CBL: variants seen among roughly 807,000 people sequenced by gnomAD.
CBL encodes the protein Cbl proto-oncogene, also known as E3 ubiquitin-protein ligase CBL.
In CBL, 45 loss-of-function variants were observed where a neutral mutation model predicts 96.9. The ratio of observed to expected loss-of-function variants is 0.46; its 90% CI spans 0.37 to 0.60. The LOEUF (loss-of-function observed/expected upper bound fraction) is 0.60, where lower values mean the gene tolerates loss of function less well. Among genes scored for constraint, CBL ranks in the 20% least tolerant of loss-of-function variants. The pLI, the probability that CBL is intolerant of heterozygous loss-of-function variation, is 0.00. For missense variants in CBL, 1,024 were observed against 1,143.5 expected (o/e 0.90, Z 1.51); for synonymous variants, 420 against 426.8 (o/e 0.98, Z 0.20).
intron 1 of CBL, among the ~76,000 whole-genome samples, chr11:119,219,916 C>T (rs1450100068): frequency 6.8e-6 from 1 of 146,726 alleles, no homozygotes; most frequent in Non-Finnish European, 1.5e-5. Flanking sequence ...GTGGCGTGAT[C>T]TCGGCTCACT....
chr11:119,232,854 GA>G (rs1176350984), intron 2 of CBL, among the ~76,000 whole-genome samples, 159 bp downstream of exon 2: 1 of 152,216 alleles, frequency 6.6e-6, no homozygotes, highest in Non-Finnish European at 1.5e-5. Context: ...TGCCATGGAT[GA>G]CGTTGTACTA....
In CBL at chr11:119,214,006, G is replaced by A. The variant is rs368928228; in HGVS notation, c.195+7394G>A. Among the ~76,000 whole-genome samples, 10 of 152,202 alleles carry A rather than the reference G, an allele frequency of 6.6e-5. 1 individual carries two copies. Among genetic ancestry groups the A allele is most frequent in the African/African-American group, 2.4e-4 (10 of 41,520 alleles). On this transcript the variant is annotated intron_variant, in intron 1 of 15. Coordinates refer to ENST00000264033, the MANE Select transcript of CBL (RefSeq NM_005188.4). ...TTGCCCCAGGCTGGAGTGCAGTTGC[G>A]TAGTCTTGGCTCACTGCAACCTCCA...
At chr11:119,216,168 GT>G (rs1949358515) in intron 1 of CBL, among the ~76,000 whole-genome samples, 1 of 152,152 alleles carries the variant, frequency 6.6e-6, no homozygotes, top group Non-Finnish European at 1.5e-5. Context: ...TGAGTCGTGT[GT>G]AACAGCCTCC....
At chr11:119,275,876 A>C (rs1465406290) in intron 5 of CBL, 121 bp from the exon 6 acceptor site, 2 of 1,032,474 alleles carry the variant, frequency 1.9e-6, no homozygotes, top group African/African-American at 3.1e-5. Context: ...AAAGAAAGAA[A>C]GAAAGGAAGA....
intron 9 of CBL, among the ~76,000 whole-genome samples, chr11:119,281,494 CTTTT>C (rs34775460): frequency 3.2e-5 from 4 of 125,810 alleles, no homozygotes; most frequent in East Asian, 2.2e-4. Context: ...CACCAAAAGC[CTTTT>C]TTTTTTTTTT....
chr11:119,222,411 G>T lies in CBL; in HGVS notation c.196-10037G>T, dbSNP rs185922739. Among the ~76,000 whole-genome samples the T allele has an allele frequency of 1.7e-3, 266 of 152,312 alleles. 2 individuals carry two copies. Among genetic ancestry groups the T allele is most frequent in the Admixed American group, 2.9e-3 (44 of 15,284 alleles). On this transcript the variant is annotated intron_variant, in intron 1 of 15. Coordinates refer to ENST00000264033, the MANE Select transcript of CBL (RefSeq NM_005188.4). ...ACCATTGAGTCTTGGCAGAAGCAAA[G>T]GGAGGAGCTAGGCCAGTGAGAAAGC...
At chr11:119,274,749 T>G (rs913334161) in intron 4 of CBL, 83 bp from the exon 5 acceptor site, 2 of 1,251,502 alleles carry the variant, frequency 1.6e-6, no homozygotes, top group Admixed American at 1.8e-5. Flanking sequence ...TGAGAGTTGG[T>G]GTTGTTTTTT....
intron 12 of CBL, among the ~76,000 whole-genome samples, chr11:119,292,073 G>A (rs969110735): frequency 6.6e-6 from 1 of 152,024 alleles, no homozygotes; most frequent in Admixed American, 6.6e-5. Context: ...GGCTGGTCTC[G>A]AACTGCTAAT....
intron 1 of CBL, among the ~76,000 whole-genome samples, chr11:119,228,019 A>G (rs193059759): frequency 1.9e-4 from 29 of 151,710 alleles, no homozygotes; most frequent in African/African-American, 6.3e-4. Context: ...TACAGCCTCC[A>G]TATGTACAAA....
Position 119,206,558 on chromosome 11 carries a change from G to T in CBL, c.141G>T (p.Pro47=). 1.9e-6 allele frequency: 3 copies of T among 1,549,984 alleles called. No homozygotes were observed. The highest frequency in any genetic ancestry group is 2.6e-6 in the Non-Finnish European group (3 of 1,146,834). Residue 47 remains proline (P), a synonymous_variant, in exon 1 of 16, where the codon CCG becomes CCT. Transcript: ENST00000264033. The part of the protein sequence containing the change: ...HHHHHHLSPH[P]PGTVDKKMVE... ...ACCACCACCACCTCAGCCCCCACCC[G>T]CCGGGGACGGTGGACAAGAAGATGG... is the stretch of plus-strand genomic sequence containing the variant.
Position 119,303,875 on chromosome 11 carries a change from T to A in CBL, c.*4094T>A, listed in dbSNP as rs781000573. 8.6e-6 allele frequency: 2 copies of A among 233,606 alleles called. No homozygotes were observed. Among genetic ancestry groups the A allele is most frequent in the Non-Finnish European group, 1.7e-5 (2 of 118,064 alleles). 14.5% of individuals were successfully genotyped at this position (233,606 alleles called of 1,614,324 possible). A position where few individuals can be genotyped will look rare whatever the true frequency, so the allele number is the denominator to read the frequency against. On this transcript the variant is annotated 3_prime_UTR_variant, in exon 16 of 16. Transcript: ENST00000264033. ...CTGCTACGTCCCTAATCCCCCTTGT[T>A]GGGAGGATTTTCGTATCACCCTTAT...
chr11:119,230,309 C>T (rs1248753290), intron 1 of CBL, among the ~76,000 whole-genome samples: 14 of 152,120 alleles, frequency 9.2e-5, no homozygotes, highest in East Asian at 1.9e-4. Context: ...CCCGCCACCA[C>T]GCCCGGCTAA....
At chr11:119,217,279 C>T (rs993989291) in intron 1 of CBL, among the ~76,000 whole-genome samples, 20 of 152,090 alleles carry the variant, frequency 1.3e-4, no homozygotes, top group Non-Finnish European at 2.4e-4. Context: ...ACAGGCCCGG[C>T]TAATTTTGTA....
At chr11:119,252,072 T>G (rs1040224626) in intron 2 of CBL, among the ~76,000 whole-genome samples, 3 of 152,172 alleles carry the variant, frequency 2.0e-5, no homozygotes, top group African/African-American at 7.2e-5. Context: ...TTGTTGTGAT[T>G]TGAATTTAAT....
At chr11:119,286,351 G>T (rs997994522) in intron 11 of CBL, among the ~76,000 whole-genome samples, 1 of 152,114 alleles carries the variant, frequency 6.6e-6, no homozygotes, top group African/African-American at 2.4e-5. Flanking sequence ...TGTAAATATT[G>T]CAGTAAATGT....
chr11:119,212,164 C>T (rs1949323693), intron 1 of CBL, among the ~76,000 whole-genome samples: 1 of 152,104 alleles, frequency 6.6e-6, no homozygotes, highest in Admixed American at 6.6e-5. Context: ...GGTGATCTGC[C>T]TGCCTCGGTC....
At chr11:119,242,158 A>G (rs1288095048) in intron 2 of CBL, among the ~76,000 whole-genome samples, 1 of 152,170 alleles carries the variant, frequency 6.6e-6, no homozygotes, top group Admixed American at 6.5e-5. Flanking sequence ...AGGTGGGCAA[A>G]TAAGAAATAG....
chr11:119,288,476 CAGAG>C (rs61294763), intron 12 of CBL, among the ~76,000 whole-genome samples: 9 of 150,804 alleles, frequency 6.0e-5, no homozygotes, highest in East Asian at 2.0e-4. Context: ...TTTGCACAGA[CAGAG>C]AGAGAGAGAG....
Position 119,303,896 on chromosome 11 carries a change from C to T in CBL, c.*4115C>T, listed in dbSNP as rs1950117749. The stretch of plus-strand genomic sequence containing the variant: ...TTGTTGGGAGGATTTTCGTATCACC[C>T]TTATGGGACCTGTCACCATGTCCTG... On this transcript the variant is annotated 3_prime_UTR_variant, in exon 16 of 16. Transcript: ENST00000264033. 4.3e-6 allele frequency: 1 copy of T among 233,528 alleles called. No individual in the cohort carries two copies. The highest frequency in any genetic ancestry group is 8.5e-6 in the Non-Finnish European group (1 of 118,048). 14.5% of individuals were successfully genotyped at this position (233,528 alleles called of 1,614,324 possible). A position where few individuals can be genotyped will look rare whatever the true frequency, so the allele number is the denominator to read the frequency against.
Sources: gnomAD v4.1 joint callset for allele counts (sites outside exome capture counted in the v4.1 genomes callset) on GRCh38, gnomAD v4.1.1 for gene constraint, MANE v1.5 for transcripts, NCBI Gene and HGNC (gene_info 2026-07-23, HGNC 2026-07-21) for gene names.